The following CELF2 variants were observed in gnomAD, a reference collection of about 807,000 sequenced individuals.
CELF2 encodes CUGBP Elav-like family member 2.
CELF2 carries 8 observed loss-of-function variants against 62.6 expected under a neutral mutation model. The ratio of observed to expected loss-of-function variants is 0.13; its 90% CI spans 0.07 to 0.23. The LOEUF (loss-of-function observed/expected upper bound fraction) is 0.23. Among genes scored for constraint, CELF2 ranks in the 10% least tolerant of loss-of-function variants. The pLI is 1.00. For synonymous variants in CELF2, 258 were observed against 250.0 expected (o/e 1.03, Z -0.30); for missense variants, 333 against 671.0 (o/e 0.50, Z 5.56).
intron 1 of CELF2, chr10:10,917,933 A>G (rs1166396695): frequency 1.3e-5 from 2 of 152,250 alleles, no homozygotes; most frequent in Admixed American, 6.5e-5. Context: ...CAGGAGACTC[A>G]TCATATTAAA....
chr10:10,787,688 T>C, the CELF2 span, among the ~76,000 whole-genome samples: 1 of 152,236 alleles, frequency 6.6e-6, no homozygotes, highest in Non-Finnish European at 1.5e-5. Context: ...CAGGGCTCTG[T>C]AGTTTTTCCC....
At chr10:10,519,170 G>A in the CELF2 span, among the ~76,000 whole-genome samples, 1 of 152,150 alleles carries the variant, frequency 6.6e-6, no homozygotes. Context: ...CAGGAGTCAG[G>A]CAAGATATTT....
the CELF2 span, among the ~76,000 whole-genome samples, chr10:10,594,565 G>A: frequency 1.3e-5 from 2 of 151,984 alleles, 1 homozygote; most frequent in South Asian, 4.2e-4. Flanking sequence ...GCTTCCTTTA[G>A]GAAGCAGCAG....
chr10:11,197,052 A>AGAATAGAGAAG (rs1565233002), intron 2 of CELF2, among the ~76,000 whole-genome samples: 1 of 31,620 alleles, frequency 3.2e-5, no homozygotes, highest in East Asian at 3.6e-4. Context: ...AAAGAAAGAA[A>AGAATAGAGAAG]GAAAGAAAAG....
Position 11,227,937 on chromosome 10 carries a change from G to A in CELF2, c.354+10430G>A, listed in dbSNP as rs73579349. 0.066 allele frequency among the ~76,000 whole-genome samples: 10,111 copies of A among 152,194 alleles called. 510 individuals carry two copies. Among genetic ancestry groups the A allele is most frequent in the African/African-American group, 0.14 (5,815 of 41,500 alleles). ...TTTGTGTACTCACCAGCACATACAC[G>A]GTATTATTGTTTCCTCAGAAGAGTG... On this transcript the variant is annotated intron_variant, in intron 3 of 12. Transcript: ENST00000633077. This position sits in a 1 kb window ranked among gnomAD's most constrained non-coding sequence, Gnocchi z 4.8.
the CELF2 span, among the ~76,000 whole-genome samples, chr10:10,486,677 T>G: frequency 6.6e-6 from 1 of 152,148 alleles, no homozygotes; most frequent in Non-Finnish European, 1.5e-5. Flanking sequence ...GTCATGTCAG[T>G]GGTGATCAAA....
intron 1 of CELF2, chr10:11,071,805 C>T (rs1309907491): frequency 6.6e-6 from 1 of 152,200 alleles, no homozygotes; most frequent in Non-Finnish European, 1.5e-5. Flanking sequence ...CTCAGTTCTT[C>T]TTACCTGGGA....
the CELF2 span, among the ~76,000 whole-genome samples, chr10:10,788,453 C>CTTTTTTTTTT: frequency 1.0e-4 from 10 of 95,748 alleles, no homozygotes; most frequent in Admixed American, 3.8e-4. Context: ...TTCTTTCCAT[C>CTTTTTTTTTT]TTTTTTTTTT....
chr10:10,637,661 G>A, the CELF2 span, among the ~76,000 whole-genome samples: 4 of 152,128 alleles, frequency 2.6e-5, no homozygotes, highest in Non-Finnish European at 4.4e-5. Flanking sequence ...TCCTTGGCAG[G>A]CACAGGATCC....
rs992605328 is a variant in CELF2 at position 11,039,502 on chromosome 10, G to A, written c.74+21339G>A. 2.6e-5 allele frequency among the ~76,000 whole-genome samples: 4 copies of A among 151,962 alleles called. No homozygotes were observed. The highest frequency in any genetic ancestry group is 4.4e-5 in the Non-Finnish European group (3 of 68,030). ...GTGTGTACTCAAAGTACCTTAAAAC[G>A]AGTTCAGAGTTAATTATTTACTTCA... is the stretch of plus-strand genomic sequence containing the variant. On this transcript the variant is annotated intron_variant, in intron 1 of 12. Coordinates refer to ENST00000633077, the MANE Select transcript of CELF2 (RefSeq NM_001326342.2). The surrounding 1 kb of genome is among the most constrained non-coding windows in gnomAD (Gnocchi z 4.1).
chr10:10,562,115 G>C, the CELF2 span, among the ~76,000 whole-genome samples: 1 of 152,190 alleles, frequency 6.6e-6, no homozygotes, highest in South Asian at 2.1e-4. Context: ...ACTTCCCCCA[G>C]TGGAGAGGTT....
rs192165556 is a variant in CELF2 at position 11,220,871 on chromosome 10, C to T, written c.354+3364C>T. Among the ~76,000 whole-genome samples, 51 of 152,314 alleles carry T rather than the reference C, an allele frequency of 3.3e-4. 1 individual carries two copies. Among genetic ancestry groups the T allele is most frequent in the Admixed American group, 3.3e-3 (51 of 15,306 alleles). ...TTAATCCCAAATGATCATGGAGTGC[C>T]TACAGTGTGCCTAGCTCTAAGCTAG... On this transcript the variant is annotated intron_variant, in intron 3 of 12. Coordinates refer to ENST00000633077, the MANE Select transcript of CELF2 (RefSeq NM_001326342.2). The surrounding 1 kb of genome is among the most constrained non-coding windows in gnomAD (Gnocchi z 4.4).
At position 11,288,517 on chromosome 10, in the gene CELF2, C is replaced by A; in HGVS notation, c.941C>A (p.Thr314Asn). ...ATSTNANPLSTTSSALGALTS... is the reference protein window; with the variant it reads ...ATSTNANPLSNTSSALGALTS... ...AGCACCAATGCAAACCCTCTCTCTA[C>A]CACGAGCAGCGCCCTGGGAGCCCTC... Residue 314 changes from threonine (T) to asparagine (N), a missense_variant, in exon 9 of 13, where the codon ACC becomes AAC. Thr to Asn is a moderately conservative substitution (Grantham distance 65, BLOSUM62 0). Transcript: ENST00000633077. 1 of 1,613,944 alleles carries A rather than the reference C, an allele frequency of 6.2e-7. No homozygotes were observed. The highest frequency in any genetic ancestry group is 1.3e-5 in the African/African-American group (1 of 75,052).
At chr10:11,089,464 A>G (rs1416502555) in intron 1 of CELF2, among the ~76,000 whole-genome samples, 3 of 152,342 alleles carry the variant, frequency 2.0e-5, no homozygotes, top group Admixed American at 2.0e-4. Flanking sequence ...TGCTGCAGGC[A>G]TCTCGACATT....
intron 1 of CELF2, among the ~76,000 whole-genome samples, chr10:11,029,630 A>C (rs1489378746): frequency 6.6e-6 from 1 of 152,190 alleles, no homozygotes; most frequent in African/African-American, 2.4e-5. Context: ...ACTTTGCTGG[A>C]GGCAGGGGGG....
chr10:11,191,716 T>C lies in CELF2; in HGVS notation c.272-25709T>C, dbSNP rs993567260. The stretch of plus-strand genomic sequence containing the variant: ...ATTCCCAGTCGGCAGACTGGACTTC[T>C]TCATAAGTGAAAAATAGTTACATAA... On this transcript the variant is annotated intron_variant, in intron 2 of 12. Transcript: ENST00000633077. This position sits in a 1 kb window ranked among gnomAD's most constrained non-coding sequence, Gnocchi z 4.1. Among the ~76,000 whole-genome samples the C allele has an allele frequency of 6.6e-6, 1 of 152,196 alleles. No homozygotes were observed. The highest frequency in any genetic ancestry group is 1.5e-5 in the Non-Finnish European group (1 of 68,018).
At chr10:10,497,847 G>A in the CELF2 span, among the ~76,000 whole-genome samples, 1 of 152,190 alleles carries the variant, frequency 6.6e-6, no homozygotes, top group Non-Finnish European at 1.5e-5. Context: ...AGGGTTTTGA[G>A]CAAGGACATA....
chr10:11,324,853 C>T lies in CELF2; in HGVS notation c.1295-983C>T, dbSNP rs1306731181. On this transcript the variant is annotated intron_variant, in intron 11 of 12. Transcript: ENST00000633077. This position sits in a 1 kb window ranked among gnomAD's most constrained non-coding sequence, Gnocchi z 4.7. ...AGGCCTGTTCCTCTCCTGTGAAGGC[C>T]AGTTGAGGATTCCTGACCCGCTGCA... is the stretch of plus-strand genomic sequence containing the variant. 6.6e-6 allele frequency among the ~76,000 whole-genome samples: 1 copy of T among 152,172 alleles called. No homozygotes were observed. The highest frequency in any genetic ancestry group is 2.4e-5 in the African/African-American group (1 of 41,432).
Position 11,246,182 on chromosome 10 carries a change from G to A in CELF2, c.355-2971G>A, listed in dbSNP as rs2075549377. Among the ~76,000 whole-genome samples the A allele has an allele frequency of 6.6e-6, 1 of 151,992 alleles. No individual in the cohort carries two copies. Among genetic ancestry groups the A allele is most frequent in the Non-Finnish European group, 1.5e-5 (1 of 68,006 alleles). ...TTCTGTTTGTCCCTGTTTTTTATGT[G>A]GATGCGTATCGACCGCCATGATAGA... is the stretch of plus-strand genomic sequence containing the variant. On this transcript the variant is annotated intron_variant, in intron 3 of 12. Coordinates refer to ENST00000633077, the MANE Select transcript of CELF2 (RefSeq NM_001326342.2). This position sits in a 1 kb window ranked among gnomAD's most constrained non-coding sequence, Gnocchi z 4.6.
Sources: gnomAD v4.1 joint callset for allele counts (sites outside exome capture counted in the v4.1 genomes callset) on GRCh38, gnomAD v4.1.1 for gene constraint, Gnocchi (gnomAD v3.1) non-coding constraint, MANE v1.5 for transcripts, NCBI Gene and HGNC (gene_info 2026-07-23, HGNC 2026-07-21) for gene names.